The following FGB variants were observed in gnomAD, a reference collection of about 807,000 sequenced individuals.
The protein encoded by FGB is beta-fibrinogen.
In FGB, 25 loss-of-function variants were observed where a neutral mutation model predicts 57.9. The ratio of observed to expected loss-of-function variants is 0.43; its 90% confidence interval spans 0.31 to 0.60. The LOEUF (loss-of-function observed/expected upper bound fraction) is 0.60. Ranked by LOEUF, FGB falls within the 20% of genes least tolerant of loss-of-function variation. The pLI, the probability that FGB is intolerant of heterozygous loss-of-function variation, is 0.08. For synonymous variants in FGB, 203 were observed against 199.2 expected, an observed-to-expected ratio of 1.02 and a Z score of -0.16; for missense variants, 536 against 598.4, an observed-to-expected ratio of 0.90 and a Z score of 1.09.
intron 1 of FGB, among the ~76,000 whole-genome samples, chr4:154,563,866 G>A (rs569544908): frequency 4.1e-4 from 63 of 151,846 alleles, no homozygotes; most frequent in Non-Finnish European, 8.3e-4. Flanking sequence ...ATCATCAAAC[G>A]TATCATGGCC....
At chr4:154,565,114 T>C (rs1316571979) in intron 1 of FGB, 1 of 421,818 alleles carries the variant, frequency 2.4e-6, no homozygotes, top group South Asian at 1.8e-5. Flanking sequence ...GGGTACCATA[T>C]GCAATAAGTT....
In FGB at chr4:154,572,321, C is replaced by T. The variant is rs765773409; in HGVS notation, c.*1671C>T. Among the ~76,000 whole-genome samples, 39 of 152,106 alleles carry T rather than the reference C, an allele frequency of 2.6e-4. No homozygotes were observed. Among genetic ancestry groups the T allele is most frequent in the Non-Finnish European group, 3.5e-4 (24 of 68,022 alleles). On this transcript the variant is annotated 3_prime_UTR_variant, in exon 8 of 8. Transcript: ENST00000302068. ...GCCCTATTGATTCCAACAGGGATGG[C>T]GCCTTGTCCAAGAAGAGACCCAGAG...
chr4:154,566,043 G>C, intron 2 of FGB, 44 bp downstream of exon 2: 1 of 1,563,442 alleles, frequency 6.4e-7, no homozygotes, highest in Non-Finnish European at 8.8e-7. Flanking sequence ...CTCTCATGCA[G>C]AGAAAGCCTG....
chr4:154,568,856 C>CAAA (rs35554458), intron 5 of FGB, among the ~76,000 whole-genome samples: 31 of 145,266 alleles, frequency 2.1e-4, no homozygotes, highest in African/African-American at 7.8e-4. Flanking sequence ...GATCCTGTCT[C>CAAA]AAAAAAAAAA....
intron 4 of FGB, 109 bp downstream of exon 4, chr4:154,567,929 C>G (rs1033440051): frequency 2.3e-6 from 2 of 853,864 alleles, no homozygotes; most frequent in Non-Finnish European, 4.0e-6. Context: ...CCCAACAGAT[C>G]ATAATGACAT....
intron 3 of FGB, 25 bp downstream of exon 3, chr4:154,566,697 C>T (rs1275896391): frequency 5.6e-6 from 9 of 1,608,506 alleles, no homozygotes; most frequent in East Asian, 2.2e-5. Context: ...GCTTTCCATT[C>T]GATTTTCAGC....
chr4:154,566,405 C>A, intron 2 of FGB, 84 bp from the exon 3 acceptor site: 1 of 1,256,494 alleles, frequency 8.0e-7, no homozygotes, highest in Non-Finnish European at 1.2e-6. Flanking sequence ...CTAATCGTAT[C>A]GCTGAATTTT....
chr4:154,565,738 G>C (rs1340710420), intron 1 of FGB, 70 bp from the exon 2 acceptor site: 1 of 1,418,706 alleles, frequency 7.0e-7, no homozygotes, highest in African/African-American at 1.4e-5. Flanking sequence ...ATAAAATGAG[G>C]GTGTTGGAAT....
Position 154,570,458 on chromosome 4 carries a change from C to T in FGB, c.1284C>T (p.Asp428=), listed in dbSNP as rs771651132. 35 of 1,613,900 alleles carry T rather than the reference C, an allele frequency of 2.2e-5. No homozygotes were observed. The East Asian group carries it at 3.3e-4, about 15-fold the overall frequency. ...CCAGAAAACAGTGTTCTAAAGAAGA[C>T]GGTGGTGGATGGTGGTATAATAGAT... ...SDPRKQCSKE[D]GGGWWYNRCH... The change falls in exon 8 of 8, where the codon GAC becomes GAT. Residue 428 remains aspartate (D), a synonymous_variant. Transcript: ENST00000302068.
chr4:154,563,292 T>C (rs1730024855), intron 1 of FGB, among the ~76,000 whole-genome samples, 160 bp downstream of exon 1: 1 of 151,744 alleles, frequency 6.6e-6, no homozygotes, highest in Non-Finnish European at 1.5e-5. Flanking sequence ...TGTTTCATAG[T>C]ATTTCTTATA....
Position 154,566,564 on chromosome 4 carries a change from G to C in FGB, c.382G>C (p.Asp128His), listed in dbSNP as rs770246669. 6.2e-7 allele frequency: 1 copy of C among 1,614,102 alleles called. No homozygotes were observed. The highest frequency in any genetic ancestry group is 1.7e-5 in the Admixed American group (1 of 60,006). Reference protein sequence around the residue: ...QQERPIRNSVDELNNNVEAVS... With the variant: ...QQERPIRNSVHELNNNVEAVS... The stretch of plus-strand genomic sequence containing the variant: ...GGAAAGGCCAATCAGAAATAGTGTT[G>C]ATGAGTTAAATAACAATGTGGAAGC... Residue 128 changes from aspartate (D) to histidine (H), a missense_variant, in exon 3 of 8, where the codon GAT (aspartate) becomes CAT (histidine). By Grantham distance (81) the Asp-to-His change is moderately conservative. Coordinates refer to ENST00000302068, the MANE Select transcript of FGB (RefSeq NM_005141.5).
chr4:154,565,291 G>A (rs1270771770), intron 1 of FGB: 2 of 368,508 alleles, frequency 5.4e-6, no homozygotes, highest in South Asian at 2.2e-5. Context: ...AGTACATTAT[G>A]AGGGTCAAAG....
intron 1 of FGB, among the ~76,000 whole-genome samples, chr4:154,563,411 T>C (rs1477685386): frequency 6.6e-6 from 1 of 151,952 alleles, no homozygotes. Context: ...TTCTGAGTAC[T>C]GTGATTTTCA....
Position 154,570,950 on chromosome 4 carries a change from T to A in FGB, c.*300T>A, listed in dbSNP as rs1730398264. The A allele has an allele frequency of 7.3e-6, 3 of 408,438 alleles. No individual in the cohort carries two copies. Among genetic ancestry groups the A allele is most frequent in the Non-Finnish European group, 1.4e-5 (3 of 220,852 alleles). The allele number at this position is 408,438 out of a possible 1,614,324, so 25.3% of individuals were successfully genotyped here. A position where few individuals can be genotyped will look rare whatever the true frequency, so the allele number is the denominator to read the frequency against. On this transcript the variant is annotated 3_prime_UTR_variant, in exon 8 of 8. Transcript: ENST00000302068. The stretch of plus-strand genomic sequence containing the variant: ...ATAAGGAAGAGGGGTCTTTTATCCT[T>A]GTCGTAGGAAAACCATGACGGAAAG...
Position 154,572,363 on chromosome 4 carries a change from AG to A in FGB, c.*1716del, listed in dbSNP as rs1180186902. Among the ~76,000 whole-genome samples, 2 of 152,208 alleles carry A rather than the reference AG, an allele frequency of 1.3e-5. No homozygotes were observed. Among genetic ancestry groups the A allele is most frequent in the Non-Finnish European group, 2.9e-5 (2 of 68,028 alleles). ...GACCCAGAGCCAGTGAATGGGACAT[AG>A]GGTTTATTTAGGACTTAAATACAGA... On this transcript the variant is annotated 3_prime_UTR_variant, in exon 8 of 8. Coordinates refer to ENST00000302068, the MANE Select transcript of FGB (RefSeq NM_005141.5).
intron 2 of FGB, 77 bp from the exon 3 acceptor site, chr4:154,566,412 T>C: frequency 1.5e-6 from 2 of 1,356,418 alleles, no homozygotes. Context: ...TATCGCTGAA[T>C]TTTCCTATGT....
In FGB at chr4:154,569,183, A is replaced by T; in HGVS notation, c.834A>T (p.Gly278=). Residue 278 remains glycine (G), a splice_region_variant and synonymous_variant, in exon 6 of 8, where the codon GGA becomes GGT. Transcript: ENST00000302068. ...TCTTTTTGTTTCTGTCAACCAAAGG[A>T]TGGACAGTGATTCAGAACCGTCAAG... The part of the protein sequence containing the change: ...VYCDMNTENG[G]WTVIQNRQDG... 6.2e-7 allele frequency: 1 copy of T among 1,614,140 alleles called. No homozygotes were observed. Among genetic ancestry groups the T allele is most frequent in the African/African-American group, 1.3e-5 (1 of 75,040 alleles).
rs189387565 is a variant in FGB, at chr4:154,567,534, A to T, written c.491-59A>T. The T allele has an allele frequency of 3.0e-6, 3 of 1,007,162 alleles. No individual in the cohort carries two copies. The East Asian group carries it at 7.3e-5, about 24-fold the overall frequency. 62.4% of individuals were successfully genotyped at this position (1,007,162 alleles called of 1,614,324 possible). A position where few individuals can be genotyped will look rare whatever the true frequency, so the allele number is the denominator to read the frequency against. On this transcript the variant is annotated intron_variant, in intron 3 of 7. Coordinates refer to ENST00000302068, the MANE Select transcript of FGB (RefSeq NM_005141.5). ...CAGAAAATCAAAATTGTATAGTTAA[A>T]TACATTAGTTTTATGAGGCAAAAAT...
chr4:154,566,088 A>C, intron 2 of FGB, 89 bp downstream of exon 2: 3 of 1,066,606 alleles, frequency 2.8e-6, no homozygotes, highest in East Asian at 2.4e-5. Context: ...TCACTGACCC[A>C]CATTACCATC....
Sources: gnomAD v4.1 joint callset for allele counts (sites outside exome capture counted in the v4.1 genomes callset) on GRCh38, gnomAD v4.1.1 for gene constraint, MANE v1.5 for transcripts, NCBI Gene and HGNC (gene_info 2026-07-23, HGNC 2026-07-21) for gene names.